The following AFDN variants were observed in gnomAD, a reference collection of about 807,000 sequenced individuals.
AFDN encodes the protein afadin.
AFDN carries 68 observed loss-of-function variants against 216.6 expected under a neutral mutation model. That is an observed-to-expected ratio of 0.31 (90% CI 0.26 to 0.38). AFDN has a LOEUF of 0.38. Among genes scored for constraint, AFDN ranks in the 10% least tolerant of loss-of-function variants. The pLI is 1.00. For synonymous variants in AFDN, 868 were observed against 853.7 expected (o/e 1.02, Z -0.29); for missense variants, 2,136 against 2,342.0 (o/e 0.91, Z 1.82).
chr6:167,878,728 G>C (rs1247883840), intron 5 of AFDN, among the ~76,000 whole-genome samples: 1 of 152,152 alleles, frequency 6.6e-6, no homozygotes, highest in African/African-American at 2.4e-5. Context: ...TCTGGTCTCA[G>C]TTGGTTCCTG....
In AFDN at chr6:167,870,577, A is replaced by G. The variant is rs746735177; in HGVS notation, c.414+79A>G. 3.5e-5 allele frequency: 26 copies of G among 751,452 alleles called. No individual in the cohort carries two copies. In the Middle Eastern group the frequency reaches 9.7e-4, roughly 28 times the overall value. 46.5% of individuals were successfully genotyped at this position (751,452 alleles called of 1,614,324 possible). ...ATAAACAGGAGACTGATGTTTTGTT[A>G]CAGGAGTTCCTTCTCTTTTTTGCTT... On this transcript the variant is annotated intron_variant, in intron 3 of 33. Transcript: ENST00000683244.
At position 167,875,407 on chromosome 6, in the gene AFDN, T is replaced by C. The variant is rs375635158; in HGVS notation, c.651T>C (p.Asn217=). 17 of 1,613,872 alleles carry C rather than the reference T, an allele frequency of 1.1e-5. No individual in the cohort carries two copies. Among genetic ancestry groups the C allele is most frequent in the Non-Finnish European group, 1.4e-5 (16 of 1,179,916 alleles). Residue 217 remains asparagine, a synonymous_variant, in exon 5 of 34, where the codon AAT becomes AAC. Coordinates refer to ENST00000683244, the MANE Select transcript of AFDN (RefSeq NM_001386888.1). ...PETSFTRTIS[N]PEVVMKRRRQ... ...CCAGCTTTACTCGAACCATTTCTAA[T>C]CCTGAGGTGGTTATGAAACGACGGA...
chr6:167,847,516 T>A lies in AFDN; in HGVS notation c.106-17035T>A, dbSNP rs191789204. Among the ~76,000 whole-genome samples the A allele has an allele frequency of 3.8e-3, 575 of 152,290 alleles. 7 individuals are homozygous for A. The highest frequency in any genetic ancestry group is 3.1e-3 in the Non-Finnish European group (208 of 68,010). The stretch of plus-strand genomic sequence containing the variant: ...TCTTCAGCCCTCTCCTAAGTCTTAG[T>A]GAACAGCAGCTCACTTTACCAATTG... On this transcript the variant is annotated intron_variant, in intron 1 of 33. Transcript: ENST00000683244.
At chr6:167,845,544 G>A (rs1781571984) in intron 1 of AFDN, among the ~76,000 whole-genome samples, 1 of 151,860 alleles carries the variant, frequency 6.6e-6, no homozygotes, top group South Asian at 2.1e-4. Context: ...ATTACAGGCA[G>A]ATGGTATTTT....
chr6:167,962,778 G>C lies in AFDN; in HGVS notation c.4968+211G>C. 7.2e-7 allele frequency: 1 copy of C among 1,392,914 alleles called. No homozygotes were observed. Among genetic ancestry groups the C allele is most frequent in the Non-Finnish European group, 9.3e-7 (1 of 1,074,068 alleles). The allele number at this position is 1,392,914 out of a possible 1,614,324, so 86.3% of individuals were successfully genotyped here. A position where few individuals can be genotyped will look rare whatever the true frequency, so the allele number is the denominator to read the frequency against. On this transcript the variant is annotated intron_variant, in intron 31 of 33. Coordinates refer to ENST00000683244, the MANE Select transcript of AFDN (RefSeq NM_001386888.1). This position sits in a 1 kb window ranked among gnomAD's most constrained non-coding sequence, Gnocchi z 5.2. Reference sequence around the variant, plus strand: ...GGACTGTCTCCAGATCCCCTTATCTGCCAAGTTTTGTCTCCTTCAAACTTC... The same window carrying C: ...GGACTGTCTCCAGATCCCCTTATCTCCCAAGTTTTGTCTCCTTCAAACTTC...
Position 167,952,094 on chromosome 6 carries a change from G to A in AFDN, c.4740G>A (p.Ser1580=), listed in dbSNP as rs370297724. ...AGTTCCAGAAGAGACTCCAGGAGTC[G>A]AAGCAGAAGGACGAAGATGACGAGG... is the stretch of plus-strand genomic sequence containing the variant. ...EWQFQKRLQE[S]KQKDEDDEEE... is the part of the protein sequence containing the mutation. Residue 1580 remains serine (S), a synonymous_variant, in exon 30 of 34, where the codon TCG becomes TCA. Transcript: ENST00000683244. The A allele has an allele frequency of 2.8e-5, 45 of 1,614,016 alleles. No individual in the cohort carries two copies. Among genetic ancestry groups the A allele is most frequent in the Middle Eastern group, 1.6e-4 (1 of 6,084 alleles).
intron 6 of AFDN, among the ~76,000 whole-genome samples, chr6:167,885,410 G>A (rs542084085): frequency 4.0e-4 from 61 of 152,274 alleles, no homozygotes; most frequent in African/African-American, 1.4e-3. Context: ...AGTGAGTGAT[G>A]TGCAGCTCTT....
At chr6:167,961,978 G>A (rs557356305) in intron 30 of AFDN, among the ~76,000 whole-genome samples, 104 of 152,278 alleles carry the variant, frequency 6.8e-4, no homozygotes, top group African/African-American at 2.3e-3. Flanking sequence ...ATGCAGAGGC[G>A]AGTGGGGGCC....
intron 23 of AFDN, among the ~76,000 whole-genome samples, chr6:167,935,843 A>G (rs1793931292): frequency 6.6e-6 from 1 of 151,854 alleles, no homozygotes; most frequent in Non-Finnish European, 1.5e-5. Context: ...ATAGTATGGT[A>G]AAATCTTGTT....
At chr6:167,969,045 A>T (rs1797825078) in intron 32 of AFDN, 69 bp from the exon 33 acceptor site, 3 of 1,247,638 alleles carry the variant, frequency 2.4e-6, no homozygotes, top group Non-Finnish European at 3.5e-6. Context: ...TGAGCACTGC[A>T]TCTTTATCAT....
At chr6:167,961,061 T>C (rs1796984216) in intron 30 of AFDN, among the ~76,000 whole-genome samples, 1 of 147,676 alleles carries the variant, frequency 6.8e-6, no homozygotes, top group Non-Finnish European at 1.5e-5. Context: ...TGAAGTTGAT[T>C]TTTATTTAAA....
At chr6:167,946,296 G>A (rs1583002350) in intron 26 of AFDN, among the ~76,000 whole-genome samples, 1 of 152,222 alleles carries the variant, frequency 6.6e-6, no homozygotes, top group Non-Finnish European at 1.5e-5. Context: ...TGACAGAAGC[G>A]GCCGCCAGGA....
chr6:167,964,424 G>A, intron 31 of AFDN: 1 of 1,065,090 alleles, frequency 9.4e-7, no homozygotes, highest in Non-Finnish European at 1.1e-6. Flanking sequence ...AGTCATTCTG[G>A]TTTATTCCTC....
At chr6:167,889,171 A>C (rs1019811869) in intron 6 of AFDN, 44 bp from the exon 7 acceptor site, 15 of 1,292,674 alleles carry the variant, frequency 1.2e-5, no homozygotes, top group Non-Finnish European at 1.5e-5. Flanking sequence ...TTGTTAACTT[A>C]GTTACTTTGG....
At chr6:167,898,023 CT>C (rs1195749246) in intron 10 of AFDN, among the ~76,000 whole-genome samples, 181 bp from the exon 11 acceptor site, 2 of 151,872 alleles carry the variant, frequency 1.3e-5, no homozygotes, top group South Asian at 4.2e-4. Context: ...ATTGGTTTGA[CT>C]TTTTTTTGAC....
At chr6:167,875,811 T>C (rs954283381) in intron 5 of AFDN, among the ~76,000 whole-genome samples, 1 of 152,150 alleles carries the variant, frequency 6.6e-6, no homozygotes, top group Non-Finnish European at 1.5e-5. Context: ...TTTCTTCTGT[T>C]CTCCAAAATA....
At chr6:167,956,672 C>A (rs1465314074) in intron 30 of AFDN, among the ~76,000 whole-genome samples, 1 of 152,210 alleles carries the variant, frequency 6.6e-6, no homozygotes, top group South Asian at 2.1e-4. Context: ...TTGCACTGCT[C>A]ATCATTCTGC....
chr6:167,926,612 T>C (rs1428316688), intron 23 of AFDN, among the ~76,000 whole-genome samples: 1 of 152,178 alleles, frequency 6.6e-6, no homozygotes, highest in Admixed American at 6.5e-5. Context: ...TAAAAACTTT[T>C]TTAGAGACAG....
At chr6:167,904,614 A>G (rs1008438114) in intron 12 of AFDN, among the ~76,000 whole-genome samples, 1 of 152,146 alleles carries the variant, frequency 6.6e-6, no homozygotes, top group Non-Finnish European at 1.5e-5. Context: ...TTTCTTAACA[A>G]ACTTTCCCTG....
Sources: allele counts gnomAD v4.1 joint callset (sites outside exome capture counted in the v4.1 genomes callset), GRCh38; gene constraint gnomAD v4.1.1; non-coding constraint Gnocchi (gnomAD v3.1); transcripts MANE v1.5; gene names NCBI Gene and HGNC (gene_info 2026-07-23, HGNC 2026-07-21).